Variants in FHOD3 observed in about 807,000 individuals in gnomAD.
FHOD3 encodes formin homology 2 domain containing 3, also known as FH1/FH2 domain-containing protein 3.
FHOD3 carries 90 observed loss-of-function variants against 173.0 expected under a neutral mutation model. That is an observed-to-expected ratio of 0.52 (90% CI 0.44 to 0.62). The LOEUF (loss-of-function observed/expected upper bound fraction) is 0.62. FHOD3 is among the 20% of genes least tolerant of loss of function. The pLI is 0.00. For missense variants in FHOD3, 1,945 were observed against 2,034.7 expected, an observed-to-expected ratio of 0.96 and a Z score of 0.85; for synonymous variants, 828 against 823.0, an observed-to-expected ratio of 1.01 and a Z score of -0.10.
intron 17 of FHOD3, 31 bp from the exon 18 acceptor site, chr18:36,709,064 T>C: frequency 1.9e-6 from 3 of 1,594,790 alleles, no homozygotes; most frequent in East Asian, 2.3e-5. Context: ...AAATCTGTCG[T>C]CAATATAATC....
intron 6 of FHOD3, among the ~76,000 whole-genome samples, chr18:36,586,983 A>G (rs2059056456): frequency 6.6e-6 from 1 of 152,112 alleles, no homozygotes; most frequent in Non-Finnish European, 1.5e-5. Flanking sequence ...GTGAGCACCA[A>G]GCAGTACAGG....
At chr18:36,469,173 C>A (rs2053128748) in intron 3 of FHOD3, among the ~76,000 whole-genome samples, 1 of 152,138 alleles carries the variant, frequency 6.6e-6, no homozygotes, top group South Asian at 2.1e-4. Flanking sequence ...TCATCCTAAA[C>A]CCCAGCCCCC....
In FHOD3 at chr18:36,628,422, AT is replaced by A. The variant is rs113952851; in HGVS notation, c.1196+2680del. Among the ~76,000 whole-genome samples the A allele has an allele frequency of 2.0e-5, 3 of 152,302 alleles. No homozygotes were observed. The East Asian group carries it at 5.8e-4, about 29-fold the overall frequency. ...AATTTGATTTACATTCCTTGTAGGTATTTTTTTGTTTGAGGTAAATACAAAA... is the reference window on the plus strand; with the variant it reads ...AATTTGATTTACATTCCTTGTAGGTATTTTTTGTTTGAGGTAAATACAAAA... On this transcript the variant is annotated intron_variant, in intron 10 of 28. Transcript: ENST00000590592.
At chr18:36,407,747 C>T (rs1335021733) in intron 3 of FHOD3, among the ~76,000 whole-genome samples, 1 of 152,186 alleles carries the variant, frequency 6.6e-6, no homozygotes, top group Non-Finnish European at 1.5e-5. Context: ...GTGTGCATTC[C>T]TGAGCTGCCT....
chr18:36,591,737 G>A (rs1165271594), intron 6 of FHOD3, among the ~76,000 whole-genome samples: 1 of 139,162 alleles, frequency 7.2e-6, no homozygotes, highest in Non-Finnish European at 1.5e-5. Context: ...GGGCAACATA[G>A]AGAGACACTA....
intron 3 of FHOD3, among the ~76,000 whole-genome samples, chr18:36,494,285 C>T (rs900729183): frequency 2.0e-5 from 3 of 152,138 alleles, no homozygotes; most frequent in Non-Finnish European, 4.4e-5. Flanking sequence ...TTGCCCTCTA[C>T]TCTTGTTATT....
chr18:36,704,295 C>G (rs2039749336), intron 17 of FHOD3, among the ~76,000 whole-genome samples: 1 of 152,238 alleles, frequency 6.6e-6, no homozygotes, highest in African/African-American at 2.4e-5. Flanking sequence ...CCCCATCGAT[C>G]TGCGCTCTTG....
At chr18:36,624,113 C>T (rs1280306797) in intron 9 of FHOD3, among the ~76,000 whole-genome samples, 10 of 152,114 alleles carry the variant, frequency 6.6e-5, no homozygotes, top group East Asian at 1.9e-4. Context: ...TCCATGGTTG[C>T]GAAGTCAGAA....
intron 7 of FHOD3, among the ~76,000 whole-genome samples, chr18:36,596,844 A>G (rs1198239251): frequency 6.6e-6 from 1 of 152,088 alleles, no homozygotes; most frequent in African/African-American, 2.4e-5. Context: ...CCAAGAGTAG[A>G]TCATGGGGCC....
chr18:36,345,010 T>C (rs1234889574), intron 1 of FHOD3, among the ~76,000 whole-genome samples: 1 of 152,204 alleles, frequency 6.6e-6, no homozygotes, highest in Non-Finnish European at 1.5e-5. Context: ...AATGCAATAT[T>C]GACAGAATGA....
intron 8 of FHOD3, among the ~76,000 whole-genome samples, chr18:36,608,885 T>A (rs1763797418): frequency 6.6e-6 from 1 of 152,238 alleles, no homozygotes; most frequent in African/African-American, 2.4e-5. Flanking sequence ...GAGATGCATA[T>A]GTGCTTACCC....
At chr18:36,562,164 C>A (rs963210443) in intron 5 of FHOD3, among the ~76,000 whole-genome samples, 10 of 152,032 alleles carry the variant, frequency 6.6e-5, no homozygotes, top group African/African-American at 2.4e-4. Context: ...TTACAGGCAC[C>A]CACCATCACT....
chr18:36,469,325 G>A (rs1384321874), intron 3 of FHOD3, among the ~76,000 whole-genome samples: 2 of 152,158 alleles, frequency 1.3e-5, no homozygotes, highest in African/African-American at 4.8e-5. Flanking sequence ...TAAGGGGCAC[G>A]TGTAAACCAC....
chr18:36,701,956 T>C (rs566287344), intron 17 of FHOD3, among the ~76,000 whole-genome samples: 10 of 152,334 alleles, frequency 6.6e-5, no homozygotes, highest in African/African-American at 2.4e-4. Flanking sequence ...AAAATCAAAC[T>C]CTGAAACTTG....
At chr18:36,666,899 C>T (rs2149279195) in intron 14 of FHOD3, among the ~76,000 whole-genome samples, 1 of 152,288 alleles carries the variant, frequency 6.6e-6, no homozygotes, top group Middle Eastern at 3.4e-3. Context: ...TCTTCTGCTG[C>T]CTCTTTGTGA....
intron 1 of FHOD3, among the ~76,000 whole-genome samples, chr18:36,326,473 T>C (rs79124822): frequency 0.072 from 11,014 of 152,222 alleles, 1,315 homozygotes; most frequent in African/African-American, 0.25. Flanking sequence ...TTCACACTTA[T>C]AAAGTACTTC....
intron 3 of FHOD3, among the ~76,000 whole-genome samples, chr18:36,380,165 C>T (rs2047665097): frequency 6.6e-6 from 1 of 152,152 alleles, no homozygotes; most frequent in African/African-American, 2.4e-5. Context: ...AGAATTGTTA[C>T]AAGTGCTGTC....
chr18:36,569,049 A>G (rs763807901), intron 5 of FHOD3, among the ~76,000 whole-genome samples: 2 of 152,218 alleles, frequency 1.3e-5, no homozygotes, highest in Admixed American at 6.5e-5. Context: ...GAAATTTACA[A>G]TGAAAGATAC....
intron 5 of FHOD3, among the ~76,000 whole-genome samples, chr18:36,527,651 G>A (rs2056587997): frequency 6.6e-6 from 1 of 152,270 alleles, no homozygotes; most frequent in East Asian, 1.9e-4. Flanking sequence ...TTGCCATGCT[G>A]AGCACCTTTG....
Sources: gnomAD v4.1 joint callset for allele counts (sites outside exome capture counted in the v4.1 genomes callset) on GRCh38, gnomAD v4.1.1 for gene constraint, MANE v1.5 for transcripts, NCBI Gene and HGNC (gene_info 2026-07-23, HGNC 2026-07-21) for gene names.